NCALD: variants seen among roughly 807,000 people sequenced by gnomAD.
NCALD encodes the protein neurocalcin-delta.
NCALD carries 10 observed loss-of-function variants against 18.6 expected under a neutral mutation model. That is an observed-to-expected ratio of 0.54 (90% CI 0.33 to 0.91). The LOEUF (loss-of-function observed/expected upper bound fraction) is 0.91, where lower values mean the gene tolerates loss of function less well. Among genes scored for constraint, NCALD ranks in the 40% least tolerant of loss-of-function variants. NCALD has a pLI of 0.03. For missense variants in NCALD, 184 were observed against 247.6 expected, an observed-to-expected ratio of 0.74 and a Z score of 1.72; for synonymous variants, 88 against 87.4, an observed-to-expected ratio of 1.01 and a Z score of -0.04.
At position 102,018,700 on chromosome 8, in the gene NCALD, T is replaced by C. The variant is rs747992512; in HGVS notation, c.-157+1537A>G. On this transcript the variant is annotated intron_variant, in intron 2 of 6. Coordinates refer to the NCALD transcript ENST00000311028. ...ACATTTTTCAAAATGCATCAAACCA[T>C]GTATTTTAAGAGAATGAATTTTACC... Among the ~76,000 whole-genome samples, 8 of 152,178 alleles carry C rather than the reference T, an allele frequency of 5.3e-5. No individual in the cohort carries two copies. In the South Asian group the frequency reaches 1.0e-3, roughly 20 times the overall value.
rs1040917110 is a variant in NCALD, at chr8:101,892,565, G to A, written c.-106-5338C>T. ...AGGCTTCAGACGATCAAACTACTCC[G>A]AGCTACAGGAGGAAATTCAAACCAA... is the stretch of plus-strand genomic sequence containing the variant. On this transcript the variant is annotated intron_variant, in intron 3 of 6. Transcript: ENST00000311028. Among the ~76,000 whole-genome samples, 36 of 149,008 alleles carry A rather than the reference G, an allele frequency of 2.4e-4. 2 individuals are homozygous for A. Among genetic ancestry groups the A allele is most frequent in the Admixed American group, 8.0e-4 (12 of 15,056 alleles).
chr8:101,993,376 G>A (rs1389172383), intron 2 of NCALD, among the ~76,000 whole-genome samples: 1 of 152,128 alleles, frequency 6.6e-6, no homozygotes, highest in Non-Finnish European at 1.5e-5. Context: ...TACTAGGTTG[G>A]TAACAGAAGG....
chr8:101,983,662 A>G (rs1195139102), intron 2 of NCALD, among the ~76,000 whole-genome samples: 2 of 152,052 alleles, frequency 1.3e-5, no homozygotes, highest in Non-Finnish European at 2.9e-5. Flanking sequence ...CCTTCTCCAC[A>G]CTGCTCTGTA....
At chr8:101,960,852 T>G (rs1819808764) in intron 2 of NCALD, among the ~76,000 whole-genome samples, 1 of 152,130 alleles carries the variant, frequency 6.6e-6, no homozygotes, top group Non-Finnish European at 1.5e-5. Flanking sequence ...CTTCCCTCCG[T>G]GGGGCTTTGC....
intron 2 of NCALD, among the ~76,000 whole-genome samples, chr8:102,008,917 T>TACAC (rs761346653): frequency 0.093 from 3,589 of 38,412 alleles, 241 homozygotes; most frequent in Non-Finnish European, 0.11. Context: ...CCCGCCCCCC[T>TACAC]ACACACACAC....
chr8:101,933,181 C>T (rs1450434187), intron 2 of NCALD, among the ~76,000 whole-genome samples: 1 of 152,148 alleles, frequency 6.6e-6, no homozygotes, highest in African/African-American at 2.4e-5. Context: ...ATGTCCTAGT[C>T]CCCAGAATCT....
chr8:101,863,793 T>C (rs1010331229), intron 4 of NCALD, among the ~76,000 whole-genome samples: 2 of 152,134 alleles, frequency 1.3e-5, no homozygotes, highest in African/African-American at 4.8e-5. Context: ...GGCAGTGACA[T>C]TTGACAAAGA....
rs144815647 is a variant in NCALD, at chr8:101,928,838, G to A, written c.-156-12980C>T. Among the ~76,000 whole-genome samples, 489 of 152,228 alleles carry A rather than the reference G, an allele frequency of 3.2e-3. 4 individuals are homozygous for A. The highest frequency in any genetic ancestry group is 0.011 in the African/African-American group (469 of 41,534). The stretch of plus-strand genomic sequence containing the variant: ...TTTATTAGCATTTGTAGTGAAAGAT[G>A]AATAAAGAGAAGCTGAGTCAACAGT... On this transcript the variant is annotated intron_variant, in intron 2 of 6. Transcript: ENST00000311028.
intron 1 of NCALD, among the ~76,000 whole-genome samples, chr8:102,067,982 C>G (rs996550775): frequency 6.6e-6 from 1 of 152,126 alleles, no homozygotes. Context: ...ATTTCCATTT[C>G]CAGTCCTCCA....
intron 1 of NCALD, among the ~76,000 whole-genome samples, chr8:101,726,978 T>A (rs1004294706): frequency 6.6e-6 from 1 of 152,176 alleles, no homozygotes. Context: ...CAAAAAGGAA[T>A]GACCAGCGAA....
At chr8:101,849,278 T>A (rs571377392) in intron 4 of NCALD, among the ~76,000 whole-genome samples, 1 of 152,218 alleles carries the variant, frequency 6.6e-6, no homozygotes, top group African/African-American at 2.4e-5. Flanking sequence ...GATGGGATGA[T>A]CTGTGCAGCA....
intron 2 of NCALD, among the ~76,000 whole-genome samples, chr8:102,008,313 C>G (rs974001766): frequency 2.0e-5 from 3 of 152,070 alleles, no homozygotes; most frequent in African/African-American, 4.8e-5. Flanking sequence ...CTTGGCCCAT[C>G]ATGACTGAGC....
intron 2 of NCALD, among the ~76,000 whole-genome samples, chr8:101,976,693 A>G (rs1820434984): frequency 1.3e-5 from 2 of 152,176 alleles, no homozygotes; most frequent in Non-Finnish European, 2.9e-5. Flanking sequence ...AACATTATCT[A>G]TTATTCAACA....
chr8:101,892,192 T>A (rs915042422), intron 3 of NCALD, among the ~76,000 whole-genome samples: 9 of 149,888 alleles, frequency 6.0e-5, no homozygotes, highest in African/African-American at 2.3e-4. Context: ...CCTCCTCAAG[T>A]GGGTCCCTGA....
chr8:101,855,656 G>A (rs1179061315), intron 4 of NCALD, among the ~76,000 whole-genome samples: 1 of 152,178 alleles, frequency 6.6e-6, no homozygotes, highest in Non-Finnish European at 1.5e-5. Context: ...CATCTTGACA[G>A]AGATGCATCA....
At chr8:102,075,911 C>T (rs62523040) in intron 1 of NCALD, among the ~76,000 whole-genome samples, 5 of 151,202 alleles carry the variant, frequency 3.3e-5, no homozygotes, top group Admixed American at 6.6e-5. Flanking sequence ...GAGATTCCAC[C>T]GTGGCACTCC....
intron 2 of NCALD, among the ~76,000 whole-genome samples, chr8:101,709,955 T>G (rs1815707597): frequency 6.6e-6 from 1 of 152,256 alleles, no homozygotes; most frequent in Non-Finnish European, 1.5e-5. Flanking sequence ...AATTTGTCAC[T>G]TATAAATAAA....
intron 1 of NCALD, among the ~76,000 whole-genome samples, chr8:102,036,326 A>T (rs981284563): frequency 6.6e-6 from 1 of 151,424 alleles, no homozygotes; most frequent in Non-Finnish European, 1.5e-5. Flanking sequence ...AATAATACTT[A>T]ATATATATAT....
intron 3 of NCALD, among the ~76,000 whole-genome samples, chr8:101,909,247 C>T (rs1050855603): frequency 1.3e-5 from 2 of 152,186 alleles, no homozygotes; most frequent in African/African-American, 4.8e-5. Flanking sequence ...TTTTCGACCA[C>T]ATTTGTTGTA....
Sources: allele counts gnomAD v4.1 joint callset (sites outside exome capture counted in the v4.1 genomes callset), GRCh38; gene constraint gnomAD v4.1.1; transcripts MANE v1.5; gene names NCBI Gene and HGNC (gene_info 2026-07-23, HGNC 2026-07-21).